Variants in NKTR observed in about 807,000 individuals in gnomAD.
NKTR encodes the protein NK-tumor recognition protein.
Under a neutral mutation model 156.3 loss-of-function variants are expected in NKTR, and 67 were observed. That is an observed-to-expected ratio of 0.43 (90% CI 0.35 to 0.53). The LOEUF (loss-of-function observed/expected upper bound fraction) is 0.53. Among genes scored for constraint, NKTR ranks in the 20% least tolerant of loss-of-function variants. The pLI is 0.01. For missense variants in NKTR, 1,604 were observed against 1,730.9 expected (o/e 0.93, Z 1.30); for synonymous variants, 640 against 596.6 (o/e 1.07, Z -1.06).
In NKTR at chr3:42,627,983, C is replaced by T. The variant is rs372279963; in HGVS notation, c.375-2563C>T. On this transcript the variant is annotated intron_variant, in intron 6 of 16. Coordinates refer to ENST00000232978, the MANE Select transcript of NKTR (RefSeq NM_005385.4). ...ATAGTCTGGATTGTGGATATTATTT[C>T]TCTCCGCCCTTTTGTAACCCTCTTT... is the stretch of plus-strand genomic sequence containing the variant. 1.8e-5 allele frequency: 18 copies of T among 985,234 alleles called. No individual in the cohort carries two copies. The East Asian group carries it at 7.9e-4, about 43-fold the overall frequency. 61.0% of individuals were successfully genotyped at this position (985,234 alleles called of 1,614,324 possible).
rs1708977419 is a variant in NKTR, at chr3:42,632,157, C to T, written c.551-444C>T. ...CTATCTCGGCTCACTGCAACCTCTG[C>T]CTCCTGGGTTCAGGTGATTCTCCTG... On this transcript the variant is annotated intron_variant, in intron 8 of 16. Transcript: ENST00000232978. Among the ~76,000 whole-genome samples the T allele has an allele frequency of 2.0e-5, 3 of 149,578 alleles. No homozygotes were observed. In the South Asian group the frequency reaches 6.4e-4, roughly 32 times the overall value.
chr3:42,633,624 C>T lies in NKTR; in HGVS notation c.818C>T (p.Ser273Phe). Residue 273 changes from serine (S) to phenylalanine (F), a missense_variant, in exon 10 of 17, where the codon TCC (serine) becomes TTC (phenylalanine). This residue lies in a region of NKTR where 1,255 missense variants were observed against 1,243.7 expected (regional missense o/e 1.01). Transcript: ENST00000232978. Reference sequence around the variant, plus strand: ...ACCAATGAAAAAAGGTCAGTTGATTCCAGTGCTAAAAGGGAAAAACCTGTG... The same window carrying T: ...ACCAATGAAAAAAGGTCAGTTGATTTCAGTGCTAAAAGGGAAAAACCTGTG... ...SDTNEKRSVD[S>F]SAKREKPVVR... The T allele has an allele frequency of 6.2e-7, 1 of 1,614,092 alleles. No individual in the cohort carries two copies. The highest frequency in any genetic ancestry group is 8.5e-7 in the Non-Finnish European group (1 of 1,180,004).
Position 42,638,776 on chromosome 3 carries a change from A to AGAG in NKTR, c.3085_3087dup (p.Glu1029dup), listed in dbSNP as rs748263777. ...GGCAGCCTCCACTAGAATTTGGTGA[A>AGAG]GAGGAGGAGGAGGAGATTGATGACA... is the stretch of plus-strand genomic sequence containing the variant. On this transcript the variant is annotated inframe_insertion, in exon 13 of 17. Coordinates refer to ENST00000232978, the MANE Select transcript of NKTR (RefSeq NM_005385.4). 6.2e-7 allele frequency: 1 copy of AGAG among 1,613,916 alleles called. No individual in the cohort carries two copies.
chr3:42,639,472 A>T lies in NKTR; in HGVS notation c.3768A>T (p.Glu1256Asp). 6.2e-7 allele frequency: 1 copy of T among 1,614,234 alleles called. No homozygotes were observed. The highest frequency in any genetic ancestry group is 8.5e-7 in the Non-Finnish European group (1 of 1,180,040). Residue 1256 changes from glutamate (E) to aspartate (D), a missense_variant, in exon 13 of 17, where the codon GAA (glutamate) becomes GAT (aspartate). Coordinates refer to ENST00000232978, the MANE Select transcript of NKTR (RefSeq NM_005385.4). Reference sequence around the variant, plus strand: ...TTAAGGTGTTGACCACTGTGCCTGAAATGAAACCACAAGGCTTGAGAATAG... The same window carrying T: ...TTAAGGTGTTGACCACTGTGCCTGATATGAAACCACAAGGCTTGAGAATAG... The part of the protein sequence containing the change: ...VEVKVLTTVP[E>D]MKPQGLRIEI...
In NKTR at chr3:42,643,925, A is replaced by G; in HGVS notation, c.4223A>G (p.Tyr1408Cys). 2.5e-6 allele frequency: 4 copies of G among 1,613,978 alleles called. No homozygotes were observed. Among genetic ancestry groups the G allele is most frequent in the South Asian group, 1.1e-5 (1 of 91,084 alleles). The change falls in exon 16 of 17, where the codon TAT (tyrosine) becomes TGT (cysteine). Residue 1408 changes from tyrosine (Y) to cysteine (C), a missense_variant. By Grantham distance (194) the Tyr-to-Cys change is radical. Around this residue, in one of 6 missense-constraint regions of NKTR, gnomAD observed 193 missense variants for 220.2 expected, o/e 0.88. Coordinates refer to ENST00000232978, the MANE Select transcript of NKTR (RefSeq NM_005385.4). The part of the protein sequence containing the change: ...RSRSYTYDSY[Y>C]SRSRSRSRSQ... ...AGGTCCTACACCTACGATAGCTACT[A>G]TAGCAGGAGTCGGAGTCGAAGTAGA...
At chr3:42,601,294 C>T (rs1284023828) in intron 2 of NKTR, 3 of 388,056 alleles carry the variant, frequency 7.7e-6, no homozygotes, top group Non-Finnish European at 9.3e-6. Context: ...CGCTGCATCT[C>T]CGGACTGAGT....
At chr3:42,601,303 G>C in intron 2 of NKTR, 1 of 373,668 alleles carries the variant, frequency 2.7e-6, no homozygotes, top group Non-Finnish European at 4.9e-6. Context: ...TCCGGACTGA[G>C]TCCTCGTAGC....
intron 13 of NKTR, among the ~76,000 whole-genome samples, chr3:42,641,061 C>A (rs1156258280): frequency 1.3e-5 from 2 of 152,188 alleles, no homozygotes; most frequent in Non-Finnish European, 2.9e-5. Context: ...CGTAGAAAGG[C>A]TAAGGGACTT....
At chr3:42,627,704 A>G in intron 6 of NKTR, 2 of 983,990 alleles carry the variant, frequency 2.0e-6, no homozygotes, top group Non-Finnish European at 2.4e-6. Context: ...AAAAATGGAA[A>G]TGCATAAATA....
At position 42,639,167 on chromosome 3, in the gene NKTR, A is replaced by G; in HGVS notation, c.3463A>G (p.Thr1155Ala). Residue 1155 changes from threonine (T) to alanine (A), a missense_variant, in exon 13 of 17, where the codon ACC (threonine) becomes GCC (alanine). This residue lies in a region of NKTR where 1,255 missense variants were observed against 1,243.7 expected (regional missense o/e 1.01). Transcript: ENST00000232978. ...TSPLGNARLD[T>A]PDINIVLKQD... ...CCCTCTAGGAAATGCACGGCTTGATACCCCAGATATAAACATTGTTTTGAA... is the reference window on the plus strand; with the variant it reads ...CCCTCTAGGAAATGCACGGCTTGATGCCCCAGATATAAACATTGTTTTGAA... 1 of 1,614,112 alleles carries G rather than the reference A, an allele frequency of 6.2e-7. No homozygotes were observed. Among genetic ancestry groups the G allele is most frequent in the Non-Finnish European group, 8.5e-7 (1 of 1,179,984 alleles).
intron 11 of NKTR, 107 bp downstream of exon 11, chr3:42,634,807 G>A: frequency 4.9e-6 from 3 of 614,774 alleles, no homozygotes; most frequent in Non-Finnish European, 8.5e-6. Flanking sequence ...TCTGTTCAAG[G>A]AACTAATTGT....
chr3:42,620,061 A>G, intron 5 of NKTR: 2 of 1,534,292 alleles, frequency 1.3e-6, no homozygotes, highest in Non-Finnish European at 1.7e-6. Flanking sequence ...AACGAAGCTC[A>G]GTAACACAAA....
rs747763548 is a variant in NKTR, at chr3:42,619,624, T to G, written c.242-40T>G. 51 of 1,603,886 alleles carry G rather than the reference T, an allele frequency of 3.2e-5. No individual in the cohort carries two copies. In the East Asian group the frequency reaches 1.1e-3, roughly 36 times the overall value. On this transcript the variant is annotated intron_variant, in intron 4 of 16. Transcript: ENST00000232978. ...AAATGATTTCTGTGTTAGTATATTT[T>G]TAATGTTCATTATGGCTTAAAGTAG...
Position 42,633,719 on chromosome 3 carries a change from A to G in NKTR, c.913A>G (p.Thr305Ala), listed in dbSNP as rs1353876182. The change falls in exon 10 of 17, where the codon ACT becomes GCT. Residue 305 changes from threonine (T) to alanine (A), a missense_variant. Coordinates refer to ENST00000232978, the MANE Select transcript of NKTR (RefSeq NM_005385.4). ...ACTGAGAAGAGATATGCCTGTTGTT[A>G]CTGCAGAACCTGAACCGTAAGTAGG... ...FLLRRDMPVV[T>A]AEPEPKIPDV... 1 of 1,614,032 alleles carries G rather than the reference A, an allele frequency of 6.2e-7. No individual in the cohort carries two copies. The highest frequency in any genetic ancestry group is 8.5e-7 in the Non-Finnish European group (1 of 1,179,906).
At chr3:42,631,426 C>G in intron 8 of NKTR, 110 bp downstream of exon 8, 3 of 1,225,924 alleles carry the variant, frequency 2.4e-6, no homozygotes, top group Non-Finnish European at 3.4e-6. Context: ...GCCCTTGGTG[C>G]CCCTGAATCA....
intron 2 of NKTR, among the ~76,000 whole-genome samples, chr3:42,616,822 T>G (rs978773346): frequency 1.3e-5 from 2 of 152,216 alleles, no homozygotes; most frequent in African/African-American, 4.8e-5. Context: ...GCTCACTGCA[T>G]GATCATAGCT....
chr3:42,641,466 G>C (rs143520823), intron 13 of NKTR, among the ~76,000 whole-genome samples: 363 of 152,310 alleles, frequency 2.4e-3, no homozygotes, highest in Admixed American at 4.1e-3. Context: ...AGTGAATGCA[G>C]AGGGGCAGAA....
Position 42,600,988 on chromosome 3 carries a change from T to C in NKTR, c.-19T>C. The C allele has an allele frequency of 6.4e-7, 1 of 1,551,414 alleles. No individual in the cohort carries two copies. Among genetic ancestry groups the C allele is most frequent in the Non-Finnish European group, 8.7e-7 (1 of 1,150,556 alleles). On this transcript the variant is annotated 5_prime_UTR_variant, in exon 2 of 17. Transcript: ENST00000232978. ...TTTTCTCCCCCTCTCTCCCAGCTCT[T>C]GCCGCCACCTCGGTCGCGATGGGGG...
chr3:42,604,038 G>A (rs1050424578), intron 2 of NKTR, among the ~76,000 whole-genome samples: 14 of 152,124 alleles, frequency 9.2e-5, no homozygotes, highest in African/African-American at 3.1e-4. Context: ...TGCCTAGCCT[G>A]TGGTTTTTAT....
Sources: gnomAD v4.1 joint callset for allele counts (sites outside exome capture counted in the v4.1 genomes callset) on GRCh38, gnomAD v4.1.1 for gene constraint, gnomAD v4.1.1 regional missense constraint, MANE v1.5 for transcripts, NCBI Gene and HGNC (gene_info 2026-07-23, HGNC 2026-07-21) for gene names.